The following DCLK2 variants were observed in gnomAD, a reference collection of about 807,000 sequenced individuals.
DCLK2 encodes serine/threonine-protein kinase DCLK2.
DCLK2 carries 31 observed loss-of-function variants against 78.4 expected under a neutral mutation model. That is an observed-to-expected ratio of 0.40 (90% CI 0.30 to 0.53). The LOEUF (loss-of-function observed/expected upper bound fraction) is 0.53. Among genes scored for constraint, DCLK2 ranks in the 20% least tolerant of loss-of-function variants. The pLI, the probability that DCLK2 is intolerant of heterozygous loss-of-function variation, is 0.61. For synonymous variants in DCLK2, 407 were observed against 374.9 expected, an observed-to-expected ratio of 1.09 and a Z score of -0.99; for missense variants, 872 against 973.7, an observed-to-expected ratio of 0.90 and a Z score of 1.39.
At chr4:150,095,881 A>G (rs1257614766) in intron 1 of DCLK2, among the ~76,000 whole-genome samples, 3 of 152,230 alleles carry the variant, frequency 2.0e-5, no homozygotes, top group African/African-American at 7.2e-5. Flanking sequence ...ATGAGAATAA[A>G]GAGGGTATGA....
chr4:150,145,812 G>T (rs560932934), intron 2 of DCLK2, among the ~76,000 whole-genome samples: 69 of 152,260 alleles, frequency 4.5e-4, no homozygotes, highest in African/African-American at 1.6e-3. Context: ...CTTTTTGGCT[G>T]CAAAGCTTGT....
chr4:150,131,614 T>G lies in DCLK2; in HGVS notation c.756+28802T>G, dbSNP rs1733320287. 3.9e-5 allele frequency among the ~76,000 whole-genome samples: 6 copies of G among 152,226 alleles called. No homozygotes were observed. The South Asian group carries it at 1.2e-3, about 32-fold the overall frequency. On this transcript the variant is annotated intron_variant, in intron 2 of 15. Transcript: ENST00000296550. ...TCTTAATGTTGAATTGGCTGTCTTA[T>G]TTGAGCCTGGGACAATCCTGGGTGT...
chr4:150,221,685 G>A lies in DCLK2; in HGVS notation c.1141G>A (p.Gly381Arg). The change falls in exon 7 of 16, where the codon GGA becomes AGA. Residue 381 changes from glycine (G) to arginine (R), a missense_variant. Around this residue, in one of 3 missense-constraint regions of DCLK2, gnomAD observed 567 missense variants for 593.4 expected, o/e 0.96. Coordinates refer to ENST00000296550, the MANE Select transcript of DCLK2 (RefSeq NM_001040260.4). ...ATTTATCCTTTTTGCAGGTGTGAAT[G>A]GAAACAGATGCTCTGAATCATCAAC... Reference protein sequence around the residue: ...DRCISPEGVNGNRCSESSTLL... With the variant: ...DRCISPEGVNRNRCSESSTLL... 1 of 1,592,826 alleles carries A rather than the reference G, an allele frequency of 6.3e-7. No homozygotes were observed. Among genetic ancestry groups the A allele is most frequent in the Non-Finnish European group, 8.5e-7 (1 of 1,172,272 alleles).
At chr4:150,219,345 T>G (rs1172735733) in intron 5 of DCLK2, among the ~76,000 whole-genome samples, 9 of 143,612 alleles carry the variant, frequency 6.3e-5, no homozygotes, top group Non-Finnish European at 1.4e-4. Flanking sequence ...CTCAGCTCAC[T>G]GCAACCTCCA....
intron 1 of DCLK2, among the ~76,000 whole-genome samples, chr4:150,079,661 G>A (rs1369879494): frequency 6.6e-6 from 1 of 152,178 alleles, no homozygotes; most frequent in Non-Finnish European, 1.5e-5. Context: ...GTCTCTTAAA[G>A]AAGGAAAAAA....
At chr4:150,134,635 T>C (rs898522276) in intron 2 of DCLK2, among the ~76,000 whole-genome samples, 77 of 152,364 alleles carry the variant, frequency 5.1e-4, no homozygotes, top group African/African-American at 1.8e-3. Flanking sequence ...AACAATTCTC[T>C]GCAGTGTTGG....
At chr4:150,248,168 C>CA in intron 13 of DCLK2, 137 bp from the exon 14 acceptor site, 1 of 675,860 alleles carries the variant, frequency 1.5e-6, no homozygotes, top group Non-Finnish European at 2.6e-6. Flanking sequence ...TAGGTATAAT[C>CA]ACGTTTAGGT....
chr4:150,158,939 G>A (rs962002555), intron 2 of DCLK2, among the ~76,000 whole-genome samples: 4 of 152,102 alleles, frequency 2.6e-5, no homozygotes, highest in Non-Finnish European at 5.9e-5. Flanking sequence ...AAAATGCAGG[G>A]CTTACTGGAA....
chr4:150,254,240 T>G (rs1744404466), intron 15 of DCLK2, among the ~76,000 whole-genome samples: 1 of 152,238 alleles, frequency 6.6e-6, no homozygotes, highest in Admixed American at 6.5e-5. Flanking sequence ...CATTGCCTTC[T>G]TCGCTGGGGG....
intron 7 of DCLK2, among the ~76,000 whole-genome samples, chr4:150,224,035 T>A (rs1487844266): frequency 6.6e-6 from 1 of 152,108 alleles, no homozygotes; most frequent in African/African-American, 2.4e-5. Flanking sequence ...ATTTTGAGAT[T>A]TACATATAGA....
At chr4:150,116,028 C>T (rs1032759749) in intron 2 of DCLK2, among the ~76,000 whole-genome samples, 2 of 152,206 alleles carry the variant, frequency 1.3e-5, no homozygotes, top group Admixed American at 6.5e-5. Context: ...AAGTGATCCA[C>T]CTCCCAGTTA....
intron 2 of DCLK2, among the ~76,000 whole-genome samples, chr4:150,190,316 C>T (rs1156243388): frequency 6.6e-5 from 10 of 151,842 alleles, no homozygotes; most frequent in South Asian, 2.1e-4. Flanking sequence ...GACAGACAGA[C>T]GGACGGATAG....
chr4:150,111,876 G>A (rs1055566876), intron 2 of DCLK2, among the ~76,000 whole-genome samples: 2 of 152,176 alleles, frequency 1.3e-5, no homozygotes, highest in African/African-American at 4.8e-5. Context: ...TAGCCTTATA[G>A]TATAATTTGA....
chr4:150,252,456 G>T (rs1744245449), intron 15 of DCLK2, among the ~76,000 whole-genome samples: 1 of 152,152 alleles, frequency 6.6e-6, no homozygotes, highest in Non-Finnish European at 1.5e-5. Flanking sequence ...TCATTGCTGG[G>T]GTCACTTTTT....
At chr4:150,155,461 C>T (rs534522802) in intron 2 of DCLK2, among the ~76,000 whole-genome samples, 41 of 152,192 alleles carry the variant, frequency 2.7e-4, no homozygotes, top group African/African-American at 6.3e-4. Context: ...TGCAGCAAAG[C>T]GCTAGTTTAT....
intron 2 of DCLK2, among the ~76,000 whole-genome samples, chr4:150,148,347 A>G (rs1734628320): frequency 6.7e-6 from 1 of 149,042 alleles, no homozygotes; most frequent in Admixed American, 6.8e-5. Context: ...CCTGGGCAAC[A>G]CAGCAAGACC....
At chr4:150,164,888 A>G (rs1166198808) in intron 2 of DCLK2, among the ~76,000 whole-genome samples, 1 of 152,226 alleles carries the variant, frequency 6.6e-6, no homozygotes, top group Non-Finnish European at 1.5e-5. Context: ...TGGAGTTGCA[A>G]TATCATTGTA....
intron 2 of DCLK2, among the ~76,000 whole-genome samples, chr4:150,115,726 A>G (rs1314138228): frequency 6.6e-6 from 1 of 152,170 alleles, no homozygotes; most frequent in Non-Finnish European, 1.5e-5. Flanking sequence ...TTGAAATGGC[A>G]GAGGTCTCTT....
At chr4:150,142,199 C>G (rs1734153565) in intron 2 of DCLK2, among the ~76,000 whole-genome samples, 1 of 152,140 alleles carries the variant, frequency 6.6e-6, no homozygotes, top group Admixed American at 6.6e-5. Flanking sequence ...ATTCATCACT[C>G]CCTTCTCACT....
Sources: allele counts gnomAD v4.1 joint callset (sites outside exome capture counted in the v4.1 genomes callset), GRCh38; gene constraint gnomAD v4.1.1; regional missense constraint gnomAD v4.1.1; transcripts MANE v1.5; gene names NCBI Gene and HGNC (gene_info 2026-07-23, HGNC 2026-07-21).